The following TOGARAM1 variants were observed in gnomAD, a reference collection of about 807,000 sequenced individuals.
The protein encoded by TOGARAM1 is TOG array regulator of axonemal microtubules 1, also known as TOG array regulator of axonemal microtubules protein 1.
Under a neutral mutation model 166.6 loss-of-function variants are expected in TOGARAM1, and 100 were observed. The observed-to-expected ratio is 0.60, with a 90% CI of 0.51 to 0.71. TOGARAM1 has a LOEUF of 0.71. TOGARAM1 is among the 30% of genes least tolerant of loss of function. The pLI, the probability that TOGARAM1 is intolerant of heterozygous loss-of-function variation, is 0.00. For synonymous variants in TOGARAM1, 758 were observed against 763.8 expected, an observed-to-expected ratio of 0.99 and a Z score of 0.13; for missense variants, 2,029 against 2,102.7, an observed-to-expected ratio of 0.96 and a Z score of 0.69.
At chr14:45,058,800 C>A (rs1882769868) in intron 16 of TOGARAM1, among the ~76,000 whole-genome samples, 1 of 151,978 alleles carries the variant, frequency 6.6e-6, no homozygotes, top group African/African-American at 2.4e-5. Flanking sequence ...TGTTATCTCC[C>A]TGTTTTATAA....
rs1036893365 is a variant in TOGARAM1 at position 45,071,990 on chromosome 14, CT to C, written c.5056+200del. ...ACATTATTGTCAAAAGAATTTTATC[CT>C]TTTTTTTCCAGTAAATGTTCAGTCC... On this transcript the variant is annotated intron_variant, in intron 19 of 19. Transcript: ENST00000361462. Among the ~76,000 whole-genome samples the C allele has an allele frequency of 1.2e-4, 18 of 152,042 alleles. No individual in the cohort carries two copies. In the East Asian group the frequency reaches 2.5e-3, roughly 21 times the overall value.
rs773409714 is a variant in TOGARAM1, at chr14:44,962,540, G to A, written c.119G>A (p.Gly40Asp). The change falls in exon 1 of 20, where the codon GGC becomes GAC. Residue 40 changes from glycine to aspartate, a missense_variant. Physicochemically the swap from Gly to Asp is moderately conservative, Grantham distance 94 (BLOSUM62 -1). Coordinates refer to ENST00000361462, the MANE Select transcript of TOGARAM1 (RefSeq NM_001308120.2). ...GAGACCGATGATAGTCGAGTTGGGG[G>A]CATTATGAGAGGAGAGAAAAACTAC... is the stretch of plus-strand genomic sequence containing the variant. ...APETDDSRVG[G>D]IMRGEKNYYF... is the part of the protein sequence containing the mutation. The A allele has an allele frequency of 1.2e-6, 2 of 1,613,734 alleles. No homozygotes were observed. The highest frequency in any genetic ancestry group is 1.1e-5 in the South Asian group (1 of 91,042).
intron 1 of TOGARAM1, among the ~76,000 whole-genome samples, chr14:44,994,500 C>T (rs1279359742): frequency 6.6e-6 from 1 of 151,860 alleles, no homozygotes. Context: ...CCCACTGCAG[C>T]CTCTACCTTT....
chr14:44,994,354 AGT>A (rs1887309147), intron 1 of TOGARAM1, among the ~76,000 whole-genome samples: 1 of 151,840 alleles, frequency 6.6e-6, no homozygotes, highest in African/African-American at 2.4e-5. Context: ...CTTGACCTCA[AGT>A]GACCCACCCA....
chr14:44,986,209 G>A (rs1011254103), intron 1 of TOGARAM1, among the ~76,000 whole-genome samples: 5 of 152,128 alleles, frequency 3.3e-5, no homozygotes, highest in Non-Finnish European at 1.5e-5. Flanking sequence ...TTCTTACATG[G>A]TGGTAAAATC....
chr14:45,068,734 C>G (rs1016989988), intron 18 of TOGARAM1, 91 bp downstream of exon 18: 10 of 906,082 alleles, frequency 1.1e-5, no homozygotes, highest in African/African-American at 1.7e-5. Context: ...TGCTGAAATC[C>G]TAGTTATTCA....
At chr14:44,972,198 T>C (rs1236529648) in intron 1 of TOGARAM1, among the ~76,000 whole-genome samples, 2 of 152,136 alleles carry the variant, frequency 1.3e-5, no homozygotes, top group African/African-American at 4.8e-5. Context: ...ACCCAAACCA[T>C]ATCACCATCT....
intron 5 of TOGARAM1, chr14:45,007,683 T>C (rs1462380340): frequency 6.6e-6 from 1 of 152,184 alleles, no homozygotes; most frequent in Admixed American, 6.5e-5. Flanking sequence ...CTATTTATTA[T>C]TTTGAATGGG....
chr14:45,031,916 T>C (rs959758340), intron 10 of TOGARAM1, among the ~76,000 whole-genome samples: 7 of 152,108 alleles, frequency 4.6e-5, no homozygotes, highest in African/African-American at 9.7e-5. Flanking sequence ...TCCCATCACT[T>C]TGGGAGGCTG....
intron 3 of TOGARAM1, among the ~76,000 whole-genome samples, chr14:44,999,774 G>T (rs1489162176): frequency 1.3e-5 from 2 of 152,042 alleles, no homozygotes; most frequent in Non-Finnish European, 2.9e-5. Context: ...GTACATATTT[G>T]TGGGGGACAT....
intron 1 of TOGARAM1, among the ~76,000 whole-genome samples, chr14:44,980,117 T>C (rs1886448364): frequency 6.6e-6 from 1 of 152,222 alleles, no homozygotes; most frequent in Non-Finnish European, 1.5e-5. Context: ...GTATGTCACA[T>C]ATTCATGTGT....
intron 16 of TOGARAM1, among the ~76,000 whole-genome samples, chr14:45,064,979 C>A (rs1883071463): frequency 6.6e-6 from 1 of 151,954 alleles, no homozygotes; most frequent in African/African-American, 2.4e-5. Flanking sequence ...TTGATCTAGA[C>A]TTTATAATAT....
chr14:45,047,383 CT>C (rs1454106172), intron 14 of TOGARAM1, among the ~76,000 whole-genome samples: 1 of 145,482 alleles, frequency 6.9e-6, no homozygotes, highest in Non-Finnish European at 1.5e-5. Flanking sequence ...CAGAGCGAGA[CT>C]CTGTCTCAAA....
chr14:44,969,510 C>G (rs1161509626), intron 1 of TOGARAM1, among the ~76,000 whole-genome samples: 3 of 152,124 alleles, frequency 2.0e-5, no homozygotes, highest in Non-Finnish European at 2.9e-5. Flanking sequence ...TTCTCATTCT[C>G]TTGACATTAA....
intron 13 of TOGARAM1, among the ~76,000 whole-genome samples, chr14:45,045,690 T>TATGTGTATATATATAC (rs1882021194): frequency 1.0e-5 from 1 of 97,972 alleles, no homozygotes; most frequent in African/African-American, 6.7e-5. Flanking sequence ...TACACATATA[T>TATGTGTATATATATAC]ACACATATAT....
chr14:45,042,983 A>G (rs989719873), intron 11 of TOGARAM1, among the ~76,000 whole-genome samples: 1 of 152,182 alleles, frequency 6.6e-6, no homozygotes, highest in Admixed American at 6.5e-5. Flanking sequence ...CATAACTTCA[A>G]TTCTGAAAAT....
At chr14:45,026,108 A>T (rs1880823944) in intron 8 of TOGARAM1, among the ~76,000 whole-genome samples, 1 of 152,194 alleles carries the variant, frequency 6.6e-6, no homozygotes, top group Non-Finnish European at 1.5e-5. Flanking sequence ...GTATTATGTG[A>T]CAGCTGCAGT....
chr14:45,025,941 G>C lies in TOGARAM1; in HGVS notation c.3328+69G>C, dbSNP rs1057478709. On this transcript the variant is annotated intron_variant, in intron 8 of 19. Coordinates refer to ENST00000361462, the MANE Select transcript of TOGARAM1 (RefSeq NM_001308120.2). ...TATAGAAGCAAAGCCTATCAATAAG[G>C]AATAGAAAAGAATGTGATTCAAGTG... is the stretch of plus-strand genomic sequence containing the variant. 9.6e-6 allele frequency: 7 copies of C among 732,286 alleles called. No individual in the cohort carries two copies. The East Asian group carries it at 1.6e-4, about 17-fold the overall frequency. The allele number at this position is 732,286 out of a possible 1,614,324, so 45.4% of individuals were successfully genotyped here.
At chr14:45,047,954 G>A (rs1361651900) in intron 14 of TOGARAM1, among the ~76,000 whole-genome samples, 1 of 151,790 alleles carries the variant, frequency 6.6e-6, no homozygotes, top group Non-Finnish European at 1.5e-5. Context: ...TACCCAGGAG[G>A]CTGAAGCAGG....
Sources: gnomAD v4.1 joint callset for allele counts (sites outside exome capture counted in the v4.1 genomes callset) on GRCh38, gnomAD v4.1.1 for gene constraint, MANE v1.5 for transcripts, NCBI Gene and HGNC (gene_info 2026-07-23, HGNC 2026-07-21) for gene names.